RBFOX3: variants seen among roughly 807,000 people sequenced by gnomAD.
RBFOX3 encodes RNA binding protein fox-1 homolog 3.
In RBFOX3, 17 loss-of-function variants were observed where a neutral mutation model predicts 48.7. The observed-to-expected ratio is 0.35, with a 90% confidence interval of 0.24 to 0.52. The LOEUF (loss-of-function observed/expected upper bound fraction) is 0.52. Ranked by LOEUF, RBFOX3 falls within the 20% of genes least tolerant of loss-of-function variation. RBFOX3 has a pLI of 0.94. For missense variants in RBFOX3, 382 were observed against 497.5 expected (o/e 0.77, Z 2.21); for synonymous variants, 212 against 209.5 (o/e 1.01, Z -0.10).
intron 3 of RBFOX3, among the ~76,000 whole-genome samples, chr17:79,276,457 G>A (rs4328476): frequency 0.17 from 26,182 of 152,036 alleles, 2,526 homozygotes; most frequent in African/African-American, 0.25. Flanking sequence ...AGGCTGAGGC[G>A]GGCGGATCAC....
chr17:79,173,215 A>ATACATACATACATACATACATACATAC (rs1555730591), intron 4 of RBFOX3, among the ~76,000 whole-genome samples: 3 of 87,844 alleles, frequency 3.4e-5, no homozygotes, highest in East Asian at 3.4e-4. Flanking sequence ...CAAATAAATA[A>ATACATACATACATACATACATACATAC]ATAAATACAT....
At chr17:79,495,874 GGGCAGGGACCCTGCA>G (rs2149670234) in intron 1 of RBFOX3, among the ~76,000 whole-genome samples, 1 of 151,902 alleles carries the variant, frequency 6.6e-6, no homozygotes, top group Non-Finnish European at 1.5e-5. Flanking sequence ...AGGCCCCTGT[GGGCAGGGACCCTGCA>G]GGCCGGGACC....
At chr17:79,455,348 C>T (rs550492253) in intron 2 of RBFOX3, among the ~76,000 whole-genome samples, 17 of 152,134 alleles carry the variant, frequency 1.1e-4, no homozygotes, top group African/African-American at 4.1e-4. Context: ...AGGAAGAAAC[C>T]GCACCACGCT....
At chr17:79,454,866 G>C (rs1555743767) in intron 2 of RBFOX3, among the ~76,000 whole-genome samples, 2 of 152,166 alleles carry the variant, frequency 1.3e-5, no homozygotes, top group South Asian at 4.1e-4. Context: ...TCCCATTGTA[G>C]CTCCTCAGTA....
intron 2 of RBFOX3, among the ~76,000 whole-genome samples, chr17:79,348,741 C>T (rs183572712): frequency 9.9e-5 from 15 of 151,866 alleles, no homozygotes; most frequent in Non-Finnish European, 1.8e-4. Context: ...CCACCATGCC[C>T]GGCTAATTTT....
At chr17:79,369,117 C>A (rs958939518) in intron 2 of RBFOX3, among the ~76,000 whole-genome samples, 5 of 152,296 alleles carry the variant, frequency 3.3e-5, no homozygotes, top group Middle Eastern at 3.4e-3. Context: ...TCTCACTGCG[C>A]CCAGTGCAGC....
intron 2 of RBFOX3, among the ~76,000 whole-genome samples, chr17:79,381,178 T>A (rs1411488807): frequency 2.0e-5 from 3 of 151,754 alleles, no homozygotes; most frequent in Non-Finnish European, 4.4e-5. Context: ...GAGAATCGCT[T>A]GAAGCTGGGA....
chr17:79,656,680 G>GAAA, the RBFOX3 span, among the ~76,000 whole-genome samples: 2 of 47,308 alleles, frequency 4.2e-5, no homozygotes, highest in Admixed American at 3.0e-4. Flanking sequence ...AAAGAAGGAA[G>GAAA]GAGGGAAGGA....
the RBFOX3 span, among the ~76,000 whole-genome samples, chr17:79,624,498 G>C: frequency 6.6e-6 from 1 of 152,176 alleles, no homozygotes; most frequent in Non-Finnish European, 1.5e-5. Flanking sequence ...CAGGGGGTTT[G>C]GTGGAATCTG....
chr17:79,197,457 C>T (rs1166323738), intron 4 of RBFOX3, among the ~76,000 whole-genome samples: 3 of 148,116 alleles, frequency 2.0e-5, no homozygotes, highest in Non-Finnish European at 3.0e-5. Context: ...GGCATGATCT[C>T]GGCTCACCGC....
Position 79,184,224 on chromosome 17 carries a change from T to C in RBFOX3, c.-34+51542A>G, listed in dbSNP as rs556493472. The stretch of plus-strand genomic sequence containing the variant: ...CCAGGAGCGTCTCCTGCCCTCCTGC[T>C]GGCCCCCAGACCCCATCATACATCC... On this transcript the variant is annotated intron_variant, in intron 4 of 14. Transcript: ENST00000693108. Among the ~76,000 whole-genome samples, 35 of 152,296 alleles carry C rather than the reference T, an allele frequency of 2.3e-4. No individual in the cohort carries two copies. In the East Asian group the frequency reaches 6.6e-3, roughly 29 times the overall value.
In RBFOX3 at chr17:79,359,220, T is replaced by G. The variant is rs567693290; in HGVS notation, c.-174-51396A>C. ...GCAAGAGCTGAGGGGCTTGGCTGACTGCAGCGCCTACCCCGCCCCTCCCCA... is the reference window on the plus strand; with the variant it reads ...GCAAGAGCTGAGGGGCTTGGCTGACGGCAGCGCCTACCCCGCCCCTCCCCA... On this transcript the variant is annotated intron_variant, in intron 2 of 14. Coordinates refer to ENST00000693108, the MANE Select transcript of RBFOX3 (RefSeq NM_001350451.2). 3.3e-5 allele frequency among the ~76,000 whole-genome samples: 5 copies of G among 152,338 alleles called. No individual in the cohort carries two copies. In the South Asian group the frequency reaches 1.0e-3, roughly 32 times the overall value.
chr17:79,635,188 TG>T, the RBFOX3 span, among the ~76,000 whole-genome samples: 1 of 148,008 alleles, frequency 6.8e-6, no homozygotes, highest in African/African-American at 2.5e-5. Flanking sequence ...CAGTGAGGCA[TG>T]GGTAAGACAC....
chr17:79,339,673 GAGA>G (rs1335620050), intron 2 of RBFOX3, among the ~76,000 whole-genome samples: 1 of 152,240 alleles, frequency 6.6e-6, no homozygotes, highest in Non-Finnish European at 1.5e-5. Flanking sequence ...GCCCTGCTGA[GAGA>G]AGAGCTGTGC....
In RBFOX3 at chr17:79,392,983, G is replaced by A. The variant is rs944275764; in HGVS notation, c.-174-85159C>T. Among the ~76,000 whole-genome samples the A allele has an allele frequency of 6.6e-6, 1 of 152,122 alleles. No individual in the cohort carries two copies. The highest frequency in any genetic ancestry group is 2.4e-5 in the African/African-American group (1 of 41,416). On this transcript the variant is annotated intron_variant, in intron 2 of 14. Coordinates refer to ENST00000693108, the MANE Select transcript of RBFOX3 (RefSeq NM_001350451.2). The surrounding 1 kb of genome is among the most constrained non-coding windows in gnomAD (Gnocchi z 5.0). ...CCCAAACCTAAACTACCAAGCAAGA[G>A]AACCACCAAAATTTGCAATTCCAAG...
intron 2 of RBFOX3, among the ~76,000 whole-genome samples, chr17:79,414,081 C>T (rs1352084752): frequency 6.6e-6 from 1 of 152,084 alleles, no homozygotes; most frequent in Non-Finnish European, 1.5e-5. Flanking sequence ...TGGCCTCGGC[C>T]TTGTTATTCT....
intron 4 of RBFOX3, among the ~76,000 whole-genome samples, chr17:79,227,837 C>T (rs775615822): frequency 4.6e-5 from 7 of 152,180 alleles, no homozygotes; most frequent in Non-Finnish European, 1.0e-4. Context: ...CCAAGGCCAG[C>T]GAGGTCCTGA....
At chr17:79,527,119 G>A (rs886487956) in intron 1 of RBFOX3, among the ~76,000 whole-genome samples, 3 of 152,198 alleles carry the variant, frequency 2.0e-5, no homozygotes, top group South Asian at 2.1e-4. Flanking sequence ...TGAGCTACTC[G>A]TGCCTCTAGG....
At chr17:79,149,318 G>C (rs1021991095) in intron 4 of RBFOX3, among the ~76,000 whole-genome samples, 1 of 152,178 alleles carries the variant, frequency 6.6e-6, no homozygotes, top group Non-Finnish European at 1.5e-5. Flanking sequence ...CAGCCACGGG[G>C]AGCCCAGATG....
Sources: gnomAD v4.1 joint callset for allele counts (sites outside exome capture counted in the v4.1 genomes callset) on GRCh38, gnomAD v4.1.1 for gene constraint, Gnocchi (gnomAD v3.1) non-coding constraint, MANE v1.5 for transcripts, NCBI Gene and HGNC (gene_info 2026-07-23, HGNC 2026-07-21) for gene names.